DNAH9: variants seen among roughly 807,000 people sequenced by gnomAD.
The protein encoded by DNAH9 is dynein axonemal heavy chain 9.
Under a neutral mutation model 471.6 loss-of-function variants are expected in DNAH9, and 345 were observed. The ratio of observed to expected loss-of-function variants is 0.73; its 90% CI spans 0.67 to 0.80. The LOEUF (loss-of-function observed/expected upper bound fraction) is 0.80, where lower values mean the gene tolerates loss of function less well. Among genes scored for constraint, DNAH9 ranks in the 30% least tolerant of loss-of-function variants. DNAH9 has a pLI of 0.00. For missense variants in DNAH9, 5,407 were observed against 5,609.2 expected (o/e 0.96, Z 1.15); for synonymous variants, 2,093 against 2,123.6 (o/e 0.99, Z 0.40).
intron 28 of DNAH9, among the ~76,000 whole-genome samples, chr17:11,734,621 G>A (rs1359572241): frequency 6.6e-6 from 1 of 152,154 alleles, no homozygotes; most frequent in Non-Finnish European, 1.5e-5. Flanking sequence ...GGAAGTGGGG[G>A]ACCCAGGCTC....
intron 49 of DNAH9, among the ~76,000 whole-genome samples, chr17:11,847,242 G>C (rs1261014690): frequency 1.3e-5 from 2 of 152,100 alleles, no homozygotes; most frequent in African/African-American, 2.4e-5. Flanking sequence ...TTTTGCTTTT[G>C]TCACAGTTGC....
Position 11,883,725 on chromosome 17 carries a change from A to C in DNAH9, c.10946A>C (p.Gln3649Pro). Reference sequence around the variant, plus strand: ...GTGGAAAACCTAGAGATCACCAAGCAGACTGCTGCCGAAGTTGAGAAAAAG... The same window carrying C: ...GTGGAAAACCTAGAGATCACCAAGCCGACTGCTGCCGAAGTTGAGAAAAAG... ...VLVENLEITK[Q>P]TAAEVEKKVQ... Residue 3649 changes from glutamine (Q) to proline (P), a missense_variant, in exon 56 of 69, where the codon CAG (glutamine) becomes CCG (proline). Coordinates refer to ENST00000262442, the MANE Select transcript of DNAH9 (RefSeq NM_001372.4). The C allele has an allele frequency of 6.2e-7, 1 of 1,614,072 alleles. No homozygotes were observed. The highest frequency in any genetic ancestry group is 1.1e-5 in the South Asian group (1 of 91,058).
At chr17:11,673,924 A>T (rs2074010942) in intron 17 of DNAH9, among the ~76,000 whole-genome samples, 1 of 152,164 alleles carries the variant, frequency 6.6e-6, no homozygotes, top group Non-Finnish European at 1.5e-5. Flanking sequence ...ATACATACCT[A>T]TGTGGAGATG....
rs980814340 is a variant in DNAH9, at chr17:11,652,940, C to G, written c.2533C>G (p.Arg845Gly). 1 of 1,613,796 alleles carries G rather than the reference C, an allele frequency of 6.2e-7. No individual in the cohort carries two copies. Among genetic ancestry groups the G allele is most frequent in the East Asian group, 2.2e-5 (1 of 44,872 alleles). ...TCTTTCTCTGGATGATCGGCATGAT[C>G]GAATGGAAAAATATTACAATCTCAT... is the stretch of plus-strand genomic sequence containing the variant. Reference protein sequence around the residue: ...SLLSLDDRHDRMEKYYNLIKE... With the variant: ...SLLSLDDRHDGMEKYYNLIKE... Residue 845 changes from arginine to glycine, a missense_variant, in exon 14 of 69, where the codon CGA becomes GGA. Coordinates refer to ENST00000262442, the MANE Select transcript of DNAH9 (RefSeq NM_001372.4).
chr17:11,668,556 T>G (rs1399539060), intron 15 of DNAH9, among the ~76,000 whole-genome samples: 1 of 151,634 alleles, frequency 6.6e-6, no homozygotes, highest in East Asian at 1.9e-4. Flanking sequence ...TCCCAGCTAC[T>G]TGGAAGGCTG....
At chr17:11,733,291 T>C (rs1158430390) in intron 28 of DNAH9, among the ~76,000 whole-genome samples, 1 of 152,186 alleles carries the variant, frequency 6.6e-6, no homozygotes, top group Non-Finnish European at 1.5e-5. Context: ...CCCAGTAGCA[T>C]AGGGCTAGCC....
In DNAH9 at chr17:11,845,950, G is replaced by T. The variant is rs574273033; in HGVS notation, c.9508-8053G>T. Among the ~76,000 whole-genome samples, 947 of 150,764 alleles carry T rather than the reference G, an allele frequency of 6.3e-3. 8 individuals are homozygous for T. Among genetic ancestry groups the T allele is most frequent in the African/African-American group, 0.022 (907 of 40,682 alleles). ...GTGAAAATTTTCTCCCATGTTGTAG[G>T]TTGCCTGTTCACTCTGATGGTAGTT... On this transcript the variant is annotated intron_variant, in intron 49 of 68. Coordinates refer to ENST00000262442, the MANE Select transcript of DNAH9 (RefSeq NM_001372.4).
Position 11,962,750 on chromosome 17 carries a change from G to A in DNAH9, c.13233+494G>A, listed in dbSNP as rs190683170. Among the ~76,000 whole-genome samples, 8 of 152,144 alleles carry A rather than the reference G, an allele frequency of 5.3e-5. No individual in the cohort carries two copies. Among genetic ancestry groups the A allele is most frequent in the Admixed American group, 2.6e-4 (4 of 15,276 alleles). On this transcript the variant is annotated intron_variant, in intron 68 of 68. Coordinates refer to ENST00000262442, the MANE Select transcript of DNAH9 (RefSeq NM_001372.4). This position sits in a 1 kb window ranked among gnomAD's most constrained non-coding sequence, Gnocchi z 4.1. ...ACGATCTTAGCTCACTGCAACCTCC[G>A]CCTCCCGAGTTCAAGCAATTCTCCT...
At position 11,934,009 on chromosome 17, in the gene DNAH9, G is replaced by A. The variant is rs1974610074; in HGVS notation, c.12427G>A (p.Glu4143Lys). Residue 4143 changes from glutamate (E) to lysine (K), a missense_variant, in exon 65 of 69, where the codon GAA becomes AAA. This residue lies in a region of DNAH9 where 4,636 missense variants were observed against 4,900.3 expected (regional missense o/e 0.95). Transcript: ENST00000262442. ...CATTCGACCAGAAATGTTAGAAGGA[G>A]AACTGTCTTTGGCCCCAGGGTTCCC... Reference protein sequence around the residue: ...EFIRPEMLEGELSLAPGFPLP... With the variant: ...EFIRPEMLEGKLSLAPGFPLP... 1.5e-5 allele frequency: 25 copies of A among 1,614,212 alleles called. No homozygotes were observed. The highest frequency in any genetic ancestry group is 2.0e-5 in the Non-Finnish European group (24 of 1,180,040).
intron 66 of DNAH9, among the ~76,000 whole-genome samples, chr17:11,939,748 G>A (rs1457314999): frequency 6.6e-6 from 1 of 152,126 alleles, no homozygotes; most frequent in East Asian, 1.9e-4. Flanking sequence ...AAGGGAAGCT[G>A]GGGATTTTAG....
intron 48 of DNAH9, among the ~76,000 whole-genome samples, chr17:11,833,771 A>G (rs1186098097): frequency 2.0e-5 from 3 of 152,166 alleles, no homozygotes; most frequent in Non-Finnish European, 4.4e-5. Context: ...AGGTTGCTTC[A>G]GATTATGGAT....
intron 61 of DNAH9, among the ~76,000 whole-genome samples, chr17:11,919,408 TGG>T (rs1974059130): frequency 1.4e-5 from 2 of 145,776 alleles, no homozygotes; most frequent in South Asian, 4.4e-4. Flanking sequence ...GGCAGGAGAA[TGG>T]CATGAACCCG....
intron 48 of DNAH9, among the ~76,000 whole-genome samples, chr17:11,824,532 T>C (rs964397297): frequency 2.0e-5 from 3 of 152,194 alleles, no homozygotes; most frequent in East Asian, 3.9e-4. Context: ...CCCATATCTG[T>C]TATGTTCTCA....
At chr17:11,693,129 G>T (rs1303567368) in intron 20 of DNAH9, among the ~76,000 whole-genome samples, 2 of 148,896 alleles carry the variant, frequency 1.3e-5, no homozygotes, top group African/African-American at 5.0e-5. Context: ...TGGTCAGGCT[G>T]GTCTCAAACT....
At chr17:11,620,061 A>C in intron 6 of DNAH9, 1 of 416,484 alleles carries the variant, frequency 2.4e-6, no homozygotes, top group Non-Finnish European at 4.4e-6. Flanking sequence ...AAATACAACA[A>C]CAACAAAATA....
chr17:11,607,909 G>T (rs2072543753), intron 1 of DNAH9, among the ~76,000 whole-genome samples: 1 of 152,154 alleles, frequency 6.6e-6, no homozygotes, highest in African/African-American at 2.4e-5. Context: ...ATCCCCAGGA[G>T]CAGAATGGGA....
In DNAH9 at chr17:11,834,728, G is replaced by A. The variant is rs140365432; in HGVS notation, c.9337G>A (p.Val3113Met). The change falls in exon 49 of 69, where the codon GTG (valine) becomes ATG (methionine). Residue 3113 changes from valine (V) to methionine (M), a missense_variant. Val to Met is a conservative substitution (Grantham distance 21, BLOSUM62 1). This residue lies in a region of DNAH9 where 4,636 missense variants were observed against 4,900.3 expected (regional missense o/e 0.95). Coordinates refer to ENST00000262442, the MANE Select transcript of DNAH9 (RefSeq NM_001372.4). ...DADKLIQVVG[V>M]ETDKVSREKA... is the part of the protein sequence containing the mutation. ...AGACAAACTGATTCAGGTCGTGGGT[G>A]TGGAGACTGACAAAGTGAGCAGAGA... The A allele has an allele frequency of 1.1e-4, 179 of 1,614,022 alleles. No individual in the cohort carries two copies. The Middle Eastern group carries it at 2.0e-3, about 18-fold the overall frequency.
chr17:11,698,024 T>C (rs886410599), intron 22 of DNAH9, among the ~76,000 whole-genome samples: 6 of 146,968 alleles, frequency 4.1e-5, no homozygotes, highest in Non-Finnish European at 7.4e-5. Context: ...AAGTTATATA[T>C]AATTATGTAT....
chr17:11,953,385 C>CG (rs1391930486), intron 67 of DNAH9, among the ~76,000 whole-genome samples: 1 of 152,018 alleles, frequency 6.6e-6, no homozygotes, highest in Admixed American at 6.6e-5. Context: ...TGCTTTTTCC[C>CG]CTCCTTATCA....
Sources: gnomAD v4.1 joint callset for allele counts (sites outside exome capture counted in the v4.1 genomes callset) on GRCh38, gnomAD v4.1.1 for gene constraint, gnomAD v4.1.1 regional missense constraint, Gnocchi (gnomAD v3.1) non-coding constraint, MANE v1.5 for transcripts, NCBI Gene and HGNC (gene_info 2026-07-23, HGNC 2026-07-21) for gene names.